Variants in LONRF2 observed in about 807,000 individuals in gnomAD.
LONRF2 encodes the protein LON peptidase N-terminal domain and RING finger protein 2.
Under a neutral mutation model 66.6 loss-of-function variants are expected in LONRF2, and 35 were observed. The observed-to-expected ratio is 0.53, with a 90% CI of 0.40 to 0.70. The LOEUF (loss-of-function observed/expected upper bound fraction) is 0.70. Ranked by LOEUF, LONRF2 falls within the 30% of genes least tolerant of loss-of-function variation. The probability of loss-of-function intolerance (pLI) is 0.00; values close to 1 mark genes in which losing one functional copy is unlikely to be tolerated. For synonymous variants in LONRF2, 417 were observed against 418.1 expected (o/e 1.00, Z 0.03); for missense variants, 902 against 1,002.1 (o/e 0.90, Z 1.35).
chr2:100,303,097 C>G (rs1391703372), intron 2 of LONRF2, 54 bp from the exon 3 acceptor site: 38 of 1,479,228 alleles, frequency 2.6e-5, no homozygotes, highest in Non-Finnish European at 3.4e-5. Context: ...TGATTATATA[C>G]TTGAATACAA....
chr2:100,303,182 G>T, intron 2 of LONRF2, 139 bp from the exon 3 acceptor site: 2 of 875,484 alleles, frequency 2.3e-6, no homozygotes, highest in Non-Finnish European at 3.3e-6. Flanking sequence ...CCCATCAAAG[G>T]ATGACTCTAT....
chr2:100,320,473 C>G (rs1675597867), intron 1 of LONRF2, among the ~76,000 whole-genome samples: 1 of 152,070 alleles, frequency 6.6e-6, no homozygotes. Context: ...GAATGCTAGT[C>G]ACTTTATAAT....
chr2:100,321,501 C>A lies in LONRF2; in HGVS notation c.593G>T (p.Arg198Leu), dbSNP rs1268348548. The A allele has an allele frequency of 2.6e-6, 4 of 1,542,116 alleles. No individual in the cohort carries two copies. The highest frequency in any genetic ancestry group is 3.5e-6 in the Non-Finnish European group (4 of 1,156,486). The change falls in exon 1 of 12, where the codon CGC (arginine) becomes CTC (leucine). Residue 198 changes from arginine to leucine, a missense_variant. Physicochemically the swap from Arg to Leu is moderately radical, Grantham distance 102. Around this residue, in one of 2 missense-constraint regions of LONRF2, gnomAD observed 585 missense variants for 569.9 expected, o/e 1.03. Coordinates refer to ENST00000393437, the MANE Select transcript of LONRF2 (RefSeq NM_198461.4). ...GCTCCGCGCCTGGCCTGCCAGCCTG[C>A]GCAGCCGGCACTCGGCCGGGAAGCA... ...EKCFPAECRLRRLAGQARSLQ... is the reference protein window; with the variant it reads ...EKCFPAECRLLRLAGQARSLQ...
In LONRF2 at chr2:100,287,126, C is replaced by T. The variant is rs111768051; in HGVS notation, c.1921-63G>A. 6.2e-5 allele frequency: 92 copies of T among 1,476,222 alleles called. 1 individual carries two copies. Among genetic ancestry groups the T allele is most frequent in the African/African-American group, 3.8e-4 (27 of 71,216 alleles). The allele number at this position is 1,476,222 out of a possible 1,614,324, so 91.4% of individuals were successfully genotyped here. ...ACAGTAATGCACGTAACACAGTCAG[C>T]GACCTCTGCACCTCCACTAAGTGGA... is the stretch of plus-strand genomic sequence containing the variant. On this transcript the variant is annotated intron_variant, in intron 10 of 11. Coordinates refer to ENST00000393437, the MANE Select transcript of LONRF2 (RefSeq NM_198461.4).
chr2:100,275,572 T>A lies in LONRF2; in HGVS notation c.*8726A>T, dbSNP rs1482006761. 6.6e-6 allele frequency: 1 copy of A among 152,256 alleles called. No individual in the cohort carries two copies. The allele number at this position is 152,256 out of a possible 1,614,324, so 9.4% of individuals were successfully genotyped here. On this transcript the variant is annotated 3_prime_UTR_variant, in exon 12 of 12. Coordinates refer to ENST00000393437, the MANE Select transcript of LONRF2 (RefSeq NM_198461.4). ...CCGCCAAAAGGTTTAAATGTTGCTT[T>A]AAGAGCCTTGCAGCTGTTGTGACTC...
chr2:100,304,127 T>C (rs535508412), intron 2 of LONRF2, among the ~76,000 whole-genome samples: 1 of 151,192 alleles, frequency 6.6e-6, no homozygotes, highest in East Asian at 2.0e-4. Context: ...AATTTCAGCA[T>C]TGATAATTTT....
intron 2 of LONRF2, among the ~76,000 whole-genome samples, chr2:100,307,667 T>C (rs12712075): frequency 0.51 from 77,240 of 152,014 alleles, 19,986 homozygotes; most frequent in East Asian, 0.76. Flanking sequence ...AGATCTATTA[T>C]GATACCATAT....
chr2:100,283,428 C>A lies in LONRF2; in HGVS notation c.*870G>T, dbSNP rs1674779805. ...ATGGGGCTAATTTCTAATGCAAATCCCAATAGAAAAAGATGACTGTTTCCT... is the reference window on the plus strand; with the variant it reads ...ATGGGGCTAATTTCTAATGCAAATCACAATAGAAAAAGATGACTGTTTCCT... On this transcript the variant is annotated 3_prime_UTR_variant, in exon 12 of 12. Transcript: ENST00000393437. 1 of 152,056 alleles carries A rather than the reference C, an allele frequency of 6.6e-6. No homozygotes were observed. The allele number at this position is 152,056 out of a possible 1,614,324, so 9.4% of individuals were successfully genotyped here.
chr2:100,322,153 T>C lies in LONRF2; in HGVS notation c.-60A>G. The stretch of plus-strand genomic sequence containing the variant: ...AAGGCGCGGAGCAGGGAGGATGCGC[T>C]GCTGCTGGGAACTGGCCGGCGGGAG... On this transcript the variant is annotated 5_prime_UTR_variant, in exon 1 of 12. Transcript: ENST00000393437. The C allele has an allele frequency of 8.4e-7, 1 of 1,193,632 alleles. No homozygotes were observed. The highest frequency in any genetic ancestry group is 1.0e-6 in the Non-Finnish European group (1 of 963,140). 73.9% of individuals were successfully genotyped at this position (1,193,632 alleles called of 1,614,324 possible).
In LONRF2 at chr2:100,290,414, T is replaced by C. The variant is rs201703532; in HGVS notation, c.1764A>G (p.Ser588=). 3 of 1,606,308 alleles carry C rather than the reference T, an allele frequency of 1.9e-6. No individual in the cohort carries two copies. The highest frequency in any genetic ancestry group is 2.2e-5 in the South Asian group (2 of 89,122). Residue 588 remains serine (S), a synonymous_variant, in exon 10 of 12, where the codon TCA becomes TCG. Coordinates refer to ENST00000393437, the MANE Select transcript of LONRF2 (RefSeq NM_198461.4). The part of the protein sequence containing the change: ...MCLSAEHAGL[S]EYGCMLEIKD... ...TAATCTCCAGCATGCATCCATACTC[T>C]GAAAGCCTGAAAAGACAGTTAGGAG...
rs751797486 is a variant in LONRF2, at chr2:100,282,369, T to A, written c.*1929A>T. 1 of 152,192 alleles carries A rather than the reference T, an allele frequency of 6.6e-6. No individual in the cohort carries two copies. The highest frequency in any genetic ancestry group is 1.5e-5 in the Non-Finnish European group (1 of 68,048). The allele number at this position is 152,192 out of a possible 1,614,324, so 9.4% of individuals were successfully genotyped here. On this transcript the variant is annotated 3_prime_UTR_variant, in exon 12 of 12. Coordinates refer to ENST00000393437, the MANE Select transcript of LONRF2 (RefSeq NM_198461.4). ...ATCACATTGTGGTTATTTAGATACT[T>A]CCAAATGGAAATGGCATTGATAACT...
At position 100,298,968 on chromosome 2, in the gene LONRF2, T is replaced by C; in HGVS notation, c.1362-18A>G. On this transcript the variant is annotated intron_variant, in intron 6 of 11. Transcript: ENST00000393437. ...AGAGCAATCTGGAAGAAAATATCTG[T>C]TTTCAGCCAGAAATGTCCAGGACAG... 6.3e-7 allele frequency: 1 copy of C among 1,575,864 alleles called. No individual in the cohort carries two copies. Among genetic ancestry groups the C allele is most frequent in the South Asian group, 1.1e-5 (1 of 90,330 alleles).
At chr2:100,288,830 T>C (rs2105715969) in intron 10 of LONRF2, among the ~76,000 whole-genome samples, 1 of 152,352 alleles carries the variant, frequency 6.6e-6, no homozygotes. Context: ...TGACAGGTAG[T>C]ATTCCATTGC....
intron 10 of LONRF2, 92 bp downstream of exon 10, chr2:100,290,165 AT>A (rs1384963048): frequency 8.5e-7 from 1 of 1,180,818 alleles, no homozygotes; most frequent in African/African-American, 1.6e-5. Context: ...CTTAAGTAAT[AT>A]TGTCAGTACA....
At chr2:100,312,301 TG>T (rs1413539181) in intron 1 of LONRF2, among the ~76,000 whole-genome samples, 1 of 152,194 alleles carries the variant, frequency 6.6e-6, no homozygotes, top group Non-Finnish European at 1.5e-5. Flanking sequence ...ATATCCGCAA[TG>T]ATGCTTCTTT....
At position 100,321,689 on chromosome 2, in the gene LONRF2, G is replaced by A. The variant is rs919463433; in HGVS notation, c.405C>T (p.Arg135=). Reference sequence around the variant, plus strand: ...GGCAGCCGAGCAGGTCGCGGGGCGCGCGGGGCTCCGGGGCCGGCCCTCCCT... The same window carrying A: ...GGCAGCCGAGCAGGTCGCGGGGCGCACGGGGCTCCGGGGCCGGCCCTCCCT... ...PGEGGPAPEP[R]APRDLLGCPR... is the part of the protein sequence containing the mutation. The change falls in exon 1 of 12, where the codon CGC becomes CGT. Residue 135 remains arginine, a synonymous_variant. Transcript: ENST00000393437. 4.8e-6 allele frequency: 6 copies of A among 1,239,050 alleles called. No individual in the cohort carries two copies. The African/African-American group carries it at 9.5e-5, about 20-fold the overall frequency. 76.8% of individuals were successfully genotyped at this position (1,239,050 alleles called of 1,614,324 possible). A position where few individuals can be genotyped will look rare whatever the true frequency, so the allele number is the denominator to read the frequency against.
Position 100,271,956 on chromosome 2 carries a change from T to C in LONRF2, c.*12342A>G, listed in dbSNP as rs549155761. 6.6e-6 allele frequency among the ~76,000 whole-genome samples: 1 copy of C among 152,284 alleles called. No individual in the cohort carries two copies. The highest frequency in any genetic ancestry group is 2.1e-4 in the South Asian group (1 of 4,818). ...TTTCATCCAACAGTGCTGAAGGAGT[T>C]AAGATTAGTCACTGCATGAGGAAGC... On this transcript the variant is annotated 3_prime_UTR_variant, in exon 12 of 12. Transcript: ENST00000393437.
At chr2:100,302,162 A>G (rs6542928) in intron 3 of LONRF2, among the ~76,000 whole-genome samples, 9,321 of 152,316 alleles carry the variant, frequency 0.061, 912 homozygotes, top group African/African-American at 0.21. Context: ...ATTAGAACAC[A>G]TCCAGAAGAG....
At chr2:100,296,412 AG>A (rs142583071) in intron 7 of LONRF2, among the ~76,000 whole-genome samples, 2 of 152,256 alleles carry the variant, frequency 1.3e-5, no homozygotes, top group East Asian at 3.9e-4. Context: ...AGAAAGGGTA[AG>A]GGGTCAGTGC....
Sources: allele counts gnomAD v4.1 joint callset (sites outside exome capture counted in the v4.1 genomes callset), GRCh38; gene constraint gnomAD v4.1.1; regional missense constraint gnomAD v4.1.1; transcripts MANE v1.5; gene names NCBI Gene and HGNC (gene_info 2026-07-23, HGNC 2026-07-21).